Variants in SLC4A10 observed in about 807,000 individuals in gnomAD.
SLC4A10 encodes the protein solute carrier family 4 member 10, also known as sodium-driven chloride bicarbonate exchanger.
In SLC4A10, 42 loss-of-function variants were observed where a neutral mutation model predicts 137.7. The observed-to-expected ratio is 0.30, with a 90% CI of 0.24 to 0.39. SLC4A10 has a LOEUF of 0.39. SLC4A10 is among the 10% of genes least tolerant of loss of function. The pLI, the probability that SLC4A10 is intolerant of heterozygous loss-of-function variation, is 1.00. For missense variants in SLC4A10, 925 were observed against 1,355.0 expected, an observed-to-expected ratio of 0.68 and a Z score of 4.98; for synonymous variants, 474 against 464.1, an observed-to-expected ratio of 1.02 and a Z score of -0.27.
At chr2:161,796,033 G>T (rs1030829770) in intron 2 of SLC4A10, among the ~76,000 whole-genome samples, 1 of 151,866 alleles carries the variant, frequency 6.6e-6, no homozygotes, top group Non-Finnish European at 1.5e-5. Context: ...TCTGATTCTT[G>T]GTTCTTAATT....
intron 11 of SLC4A10, among the ~76,000 whole-genome samples, chr2:161,899,487 T>C (rs2063874635): frequency 6.6e-6 from 1 of 152,082 alleles, no homozygotes; most frequent in Non-Finnish European, 1.5e-5. Flanking sequence ...CTAAGTCCCA[T>C]GGTCAATTCT....
chr2:161,801,023 T>G (rs1241035696), intron 2 of SLC4A10, among the ~76,000 whole-genome samples: 1 of 152,016 alleles, frequency 6.6e-6, no homozygotes, highest in African/African-American at 2.4e-5. Flanking sequence ...AGGGAACACT[T>G]AGAAAATTGA....
intron 4 of SLC4A10, among the ~76,000 whole-genome samples, chr2:161,843,649 A>C (rs2059323789): frequency 6.6e-6 from 1 of 152,178 alleles, no homozygotes; most frequent in African/African-American, 2.4e-5. Context: ...GATTGCCCTA[A>C]TTCATCTAAA....
intron 1 of SLC4A10, among the ~76,000 whole-genome samples, chr2:161,702,191 T>C (rs1330361651): frequency 6.6e-6 from 1 of 151,946 alleles, no homozygotes; most frequent in Non-Finnish European, 1.5e-5. Context: ...AAATGTGGTA[T>C]ATATAAACAA....
intron 1 of SLC4A10, among the ~76,000 whole-genome samples, chr2:161,625,278 C>A (rs1006142043): frequency 6.6e-6 from 1 of 152,050 alleles, no homozygotes; most frequent in African/African-American, 2.4e-5. Flanking sequence ...TGTTTCCCTA[C>A]ATTTAATTTT....
At chr2:161,643,609 A>C (rs1009955646) in intron 1 of SLC4A10, among the ~76,000 whole-genome samples, 1 of 152,156 alleles carries the variant, frequency 6.6e-6, no homozygotes, top group African/African-American at 2.4e-5. Flanking sequence ...TATACAGTTT[A>C]AACGTTTATC....
At chr2:161,909,151 G>A (rs1685206061) in intron 15 of SLC4A10, among the ~76,000 whole-genome samples, 1 of 150,668 alleles carries the variant, frequency 6.6e-6, no homozygotes, top group Non-Finnish European at 1.5e-5. Context: ...GTTAATGGGT[G>A]CAGCACACCA....
chr2:161,790,699 TC>T (rs760780075), intron 2 of SLC4A10, among the ~76,000 whole-genome samples: 7 of 152,280 alleles, frequency 4.6e-5, no homozygotes, highest in Admixed American at 6.5e-5. Flanking sequence ...CCTGTGCACA[TC>T]TTATAATAAA....
At chr2:161,938,948 T>G (rs1692134511) in intron 15 of SLC4A10, among the ~76,000 whole-genome samples, 1 of 152,130 alleles carries the variant, frequency 6.6e-6, no homozygotes, top group African/African-American at 2.4e-5. Context: ...TTAACAAAAT[T>G]TTTTAAAATT....
chr2:161,794,490 G>A (rs2054544178), intron 2 of SLC4A10, among the ~76,000 whole-genome samples: 4 of 151,994 alleles, frequency 2.6e-5, no homozygotes, highest in Admixed American at 1.3e-4. Flanking sequence ...GTTCACAAGG[G>A]CATAACCCAA....
At chr2:161,845,925 A>G (rs2059463218) in intron 4 of SLC4A10, among the ~76,000 whole-genome samples, 2 of 152,154 alleles carry the variant, frequency 1.3e-5, no homozygotes, top group South Asian at 4.1e-4. Flanking sequence ...CTAGGTGGCA[A>G]GTTTTTAGAC....
chr2:161,890,936 T>G (rs2062844323), intron 10 of SLC4A10, among the ~76,000 whole-genome samples: 1 of 152,182 alleles, frequency 6.6e-6, no homozygotes, highest in Non-Finnish European at 1.5e-5. Flanking sequence ...AGGGTACCTG[T>G]TTTTCCTTTC....
Position 161,649,632 on chromosome 2 carries a change from GTTTA to G in SLC4A10, c.48+25070_48+25073del, listed in dbSNP as rs561197687. ...AAATCAATTTTATTTTATTTTGCCTGTTTATTTGTGGAGTTTTTCTATAGAAGTT... is the reference window on the plus strand; with the variant it reads ...AAATCAATTTTATTTTATTTTGCCTGTTTGTGGAGTTTTTCTATAGAAGTT... On this transcript the variant is annotated intron_variant, in intron 1 of 26. Transcript: ENST00000446997. Among the ~76,000 whole-genome samples, 606 of 151,808 alleles carry G rather than the reference GTTTA, an allele frequency of 4.0e-3. 1 individual carries two copies. The highest frequency in any genetic ancestry group is 6.1e-3 in the Non-Finnish European group (414 of 67,896).
At chr2:161,645,815 G>A (rs2035954828) in intron 1 of SLC4A10, among the ~76,000 whole-genome samples, 1 of 151,966 alleles carries the variant, frequency 6.6e-6, no homozygotes, top group Non-Finnish European at 1.5e-5. Flanking sequence ...AACATTTATT[G>A]AATGCTGAGG....
chr2:161,667,669 T>C (rs955194720), intron 1 of SLC4A10, among the ~76,000 whole-genome samples: 9 of 151,674 alleles, frequency 5.9e-5, no homozygotes, highest in African/African-American at 2.2e-4. Context: ...TATATTTATA[T>C]ATTGAATATA....
chr2:161,664,390 G>A (rs1189756950), intron 1 of SLC4A10, among the ~76,000 whole-genome samples: 3 of 151,890 alleles, frequency 2.0e-5, no homozygotes, highest in Non-Finnish European at 4.4e-5. Context: ...GATCAAATTG[G>A]ATGTTTAATA....
chr2:161,934,580 T>C (rs141866429), intron 15 of SLC4A10, among the ~76,000 whole-genome samples: 391 of 152,332 alleles, frequency 2.6e-3, no homozygotes, highest in Non-Finnish European at 4.5e-3. Flanking sequence ...GGTGAATACT[T>C]AGGTTGCTTC....
At chr2:161,855,867 G>A (rs1284712027) in intron 5 of SLC4A10, among the ~76,000 whole-genome samples, 2 of 151,990 alleles carry the variant, frequency 1.3e-5, no homozygotes, top group African/African-American at 4.8e-5. Context: ...AGAGGCAGTT[G>A]AAAAGTTATT....
chr2:161,691,076 C>A (rs2041941261), intron 1 of SLC4A10, among the ~76,000 whole-genome samples: 2 of 151,900 alleles, frequency 1.3e-5, no homozygotes, highest in Non-Finnish European at 2.9e-5. Flanking sequence ...ACATACATAT[C>A]TTTTGAATTG....
Sources: gnomAD v4.1 joint callset for allele counts (sites outside exome capture counted in the v4.1 genomes callset) on GRCh38, gnomAD v4.1.1 for gene constraint, MANE v1.5 for transcripts, NCBI Gene and HGNC (gene_info 2026-07-23, HGNC 2026-07-21) for gene names.